FNDC3B: variants seen among roughly 807,000 people sequenced by gnomAD.
The protein encoded by FNDC3B is fibronectin type III domain-containing protein 3B.
In FNDC3B, 12 loss-of-function variants were observed where a neutral mutation model predicts 151.5. That is an observed-to-expected ratio of 0.08 (90% confidence interval 0.05 to 0.13). FNDC3B has a LOEUF of 0.13. Among genes scored for constraint, FNDC3B ranks in the 10% least tolerant of loss-of-function variants. The probability of loss-of-function intolerance (pLI) is 1.00; values close to 1 mark genes in which losing one functional copy is unlikely to be tolerated. For synonymous variants in FNDC3B, 528 were observed against 549.0 expected (o/e 0.96, Z 0.54); for missense variants, 1,214 against 1,505.3 (o/e 0.81, Z 3.20).
At chr3:172,262,011 A>G (rs1009344819) in intron 6 of FNDC3B, among the ~76,000 whole-genome samples, 3 of 152,164 alleles carry the variant, frequency 2.0e-5, no homozygotes, top group Non-Finnish European at 4.4e-5. Context: ...GTTCAGGAAG[A>G]CTGGAAAATA....
chr3:172,165,407 A>G (rs182368363), intron 3 of FNDC3B, among the ~76,000 whole-genome samples: 1 of 152,244 alleles, frequency 6.6e-6, no homozygotes, highest in Non-Finnish European at 1.5e-5. Flanking sequence ...GAGTAGTTTC[A>G]AGGAAAAGTG....
rs555976528 is a variant in FNDC3B, at chr3:172,138,778, C to T, written c.187+5232C>T. Among the ~76,000 whole-genome samples, 16 of 152,322 alleles carry T rather than the reference C, an allele frequency of 1.1e-4. No individual in the cohort carries two copies. In the South Asian group the frequency reaches 3.3e-3, roughly 32 times the overall value. ...TTTACCATAGCAGTTAATCTGCTGA[C>T]TTGTGTTAAGTGAATAGAGACCTCA... On this transcript the variant is annotated intron_variant, in intron 3 of 25. Transcript: ENST00000415807.
intron 21 of FNDC3B, among the ~76,000 whole-genome samples, chr3:172,351,236 G>A (rs1008361569): frequency 6.6e-6 from 1 of 152,202 alleles, no homozygotes; most frequent in East Asian, 1.9e-4. Flanking sequence ...GAGAGGGCTC[G>A]CTGAACAGGT....
chr3:172,356,124 A>G (rs1246220160), intron 22 of FNDC3B, among the ~76,000 whole-genome samples: 1 of 152,228 alleles, frequency 6.6e-6, no homozygotes, highest in African/African-American at 2.4e-5. Context: ...GGTAAGCACT[A>G]TGTTAGGCTG....
chr3:172,227,004 A>T, intron 4 of FNDC3B, 57 bp downstream of exon 4: 3 of 1,175,274 alleles, frequency 2.6e-6, no homozygotes, highest in Non-Finnish European at 3.8e-6. Flanking sequence ...GCTCCAACAG[A>T]ATATATGTTG....
chr3:172,375,331 A>T (rs1038183652), intron 23 of FNDC3B, among the ~76,000 whole-genome samples: 15 of 152,316 alleles, frequency 9.8e-5, no homozygotes, highest in African/African-American at 3.6e-4. Context: ...CCCCAAAAGG[A>T]CAGGGTACAT....
At chr3:172,118,486 C>G (rs560605795) in intron 2 of FNDC3B, among the ~76,000 whole-genome samples, 1 of 152,292 alleles carries the variant, frequency 6.6e-6, no homozygotes, top group South Asian at 2.1e-4. Flanking sequence ...AATGAATAAA[C>G]AACTCTTGAG....
At chr3:172,369,940 C>T (rs1316831622) in intron 23 of FNDC3B, among the ~76,000 whole-genome samples, 1 of 151,428 alleles carries the variant, frequency 6.6e-6, no homozygotes, top group Non-Finnish European at 1.5e-5. Flanking sequence ...ACACACAATC[C>T]ATGGAGCCCA....
intron 12 of FNDC3B, chr3:172,329,628 G>A (rs1235639447): frequency 6.6e-6 from 1 of 152,262 alleles, no homozygotes; most frequent in Non-Finnish European, 1.5e-5. Context: ...AAAAGGCCAT[G>A]TTTCAGTTGC....
chr3:172,089,919 A>T (rs551116233), intron 1 of FNDC3B, among the ~76,000 whole-genome samples: 1 of 152,200 alleles, frequency 6.6e-6, no homozygotes, highest in African/African-American at 2.4e-5. Context: ...CGTTAATGAC[A>T]AATATGATTT....
At chr3:172,233,498 T>C (rs1447138483) in intron 4 of FNDC3B, among the ~76,000 whole-genome samples, 1 of 152,184 alleles carries the variant, frequency 6.6e-6, no homozygotes, top group Non-Finnish European at 1.5e-5. Context: ...CATTTGCCAA[T>C]GATGAGTGGA....
intron 3 of FNDC3B, among the ~76,000 whole-genome samples, chr3:172,162,074 T>A (rs1722807641): frequency 6.6e-6 from 1 of 151,898 alleles, no homozygotes; most frequent in Admixed American, 6.6e-5. Flanking sequence ...CCTCCCAGAT[T>A]CAAGCGATTT....
At chr3:172,304,608 C>T (rs576424779) in intron 9 of FNDC3B, among the ~76,000 whole-genome samples, 53 of 152,270 alleles carry the variant, frequency 3.5e-4, no homozygotes, top group African/African-American at 1.1e-3. Context: ...GAAAGAGGGC[C>T]GAGTGAGGCC....
At chr3:172,179,148 G>A (rs1332076061) in intron 3 of FNDC3B, among the ~76,000 whole-genome samples, 2 of 152,044 alleles carry the variant, frequency 1.3e-5, no homozygotes, top group East Asian at 1.9e-4. Context: ...TGCAAAGTCC[G>A]CCTCCCAGGT....
intron 3 of FNDC3B, among the ~76,000 whole-genome samples, chr3:172,211,935 T>C (rs1725752466): frequency 6.6e-6 from 1 of 152,246 alleles, no homozygotes; most frequent in African/African-American, 2.4e-5. Flanking sequence ...TTTATAAATG[T>C]TTTATCAGCT....
At chr3:172,077,054 A>T (rs1464183950) in intron 1 of FNDC3B, among the ~76,000 whole-genome samples, 1 of 152,224 alleles carries the variant, frequency 6.6e-6, no homozygotes, top group East Asian at 1.9e-4. Context: ...ATCAAATCAC[A>T]TAATAAGTAC....
In FNDC3B at chr3:172,247,907, G is replaced by A. The variant is rs1165615599; in HGVS notation, c.508+131G>A. ...ATCTAGGTGGTTTGTAAGACTCATG[G>A]GGAATTCCTAGCTTCCTTTGTCCTG... On this transcript the variant is annotated intron_variant, in intron 5 of 25. Transcript: ENST00000415807. The A allele has an allele frequency of 6.1e-6, 6 of 989,700 alleles. No homozygotes were observed. In the Admixed American group the frequency reaches 1.2e-4, roughly 20 times the overall value. The allele number at this position is 989,700 out of a possible 1,614,324, so 61.3% of individuals were successfully genotyped here.
intron 3 of FNDC3B, among the ~76,000 whole-genome samples, chr3:172,173,451 G>T (rs1421744725): frequency 2.0e-5 from 3 of 151,964 alleles, no homozygotes; most frequent in Non-Finnish European, 4.4e-5. Context: ...TGTAAGAGAA[G>T]ACAACGTGTA....
At chr3:172,345,178 C>T (rs1374302838) in intron 19 of FNDC3B, among the ~76,000 whole-genome samples, 1 of 152,198 alleles carries the variant, frequency 6.6e-6, no homozygotes, top group Non-Finnish European at 1.5e-5. Flanking sequence ...TGGATTTCTC[C>T]TAATTCTCCA....
Sources: gnomAD v4.1 joint callset for allele counts (sites outside exome capture counted in the v4.1 genomes callset) on GRCh38, gnomAD v4.1.1 for gene constraint, MANE v1.5 for transcripts, NCBI Gene and HGNC (gene_info 2026-07-23, HGNC 2026-07-21) for gene names.